PARD3B: variants seen among roughly 807,000 people sequenced by gnomAD.
PARD3B encodes partitioning defective 3 homolog B.
Under a neutral mutation model 130.2 loss-of-function variants are expected in PARD3B, and 103 were observed. The observed-to-expected ratio is 0.79, with a 90% CI of 0.67 to 0.93. The LOEUF (loss-of-function observed/expected upper bound fraction) is 0.93. Ranked by LOEUF, PARD3B falls within the 40% of genes least tolerant of loss-of-function variation. The pLI is 0.00. For missense variants in PARD3B, 1,609 were observed against 1,499.2 expected (o/e 1.07, Z -1.21); for synonymous variants, 583 against 553.2 (o/e 1.05, Z -0.76).
chr2:205,045,978 T>G lies in PARD3B; in HGVS notation c.395-1603T>G, dbSNP rs1575628748. On this transcript the variant is annotated intron_variant, in intron 3 of 22. Coordinates refer to ENST00000406610, the MANE Select transcript of PARD3B (RefSeq NM_001302769.2). ...GTTTATTTTCTCCCATTCAAGATTA[T>G]CAACTTGTAATTTACTGGCCTGATT... 3.3e-5 allele frequency among the ~76,000 whole-genome samples: 5 copies of G among 152,296 alleles called. No homozygotes were observed. In the East Asian group the frequency reaches 5.8e-4, roughly 18 times the overall value.
At chr2:204,729,373 C>T (rs2039385745) in intron 2 of PARD3B, among the ~76,000 whole-genome samples, 1 of 152,092 alleles carries the variant, frequency 6.6e-6, no homozygotes, top group African/African-American at 2.4e-5. Flanking sequence ...TTCTTGCCTA[C>T]CCCCTTAAGG....
In PARD3B at chr2:205,575,339, G is replaced by C. The variant is rs1166010609; in HGVS notation, c.3260+21936G>C. Among the ~76,000 whole-genome samples the C allele has an allele frequency of 6.6e-6, 1 of 151,296 alleles. No homozygotes were observed. Among genetic ancestry groups the C allele is most frequent in the East Asian group, 1.9e-4 (1 of 5,132 alleles). On this transcript the variant is annotated intron_variant, in intron 22 of 22. Coordinates refer to ENST00000406610, the MANE Select transcript of PARD3B (RefSeq NM_001302769.2). The surrounding 1 kb of genome is among the most constrained non-coding windows in gnomAD (Gnocchi z 4.6). The stretch of plus-strand genomic sequence containing the variant: ...ATTACCAACATTCCCAACTGCAGTG[G>C]TAAAACTGTTACATCTGATGACCCT...
chr2:205,321,260 T>C lies in PARD3B; in HGVS notation c.2630+19559T>C, dbSNP rs2105965338. Among the ~76,000 whole-genome samples, 2 of 152,356 alleles carry C rather than the reference T, an allele frequency of 1.3e-5. No individual in the cohort carries two copies. Among genetic ancestry groups the C allele is most frequent in the Middle Eastern group, 6.8e-3 (2 of 294 alleles). On this transcript the variant is annotated intron_variant, in intron 18 of 22. Transcript: ENST00000406610. This position sits in a 1 kb window ranked among gnomAD's most constrained non-coding sequence, Gnocchi z 4.2. ...AATAGTAATTGTGTCTGAGAGTATA[T>C]TCTTTGATTCATTTTCTTATTTATG...
chr2:205,103,874 G>T, intron 4 of PARD3B: 1 of 331,572 alleles, frequency 3.0e-6, no homozygotes, highest in Non-Finnish European at 4.3e-6. Flanking sequence ...AATTAAATAG[G>T]CAATTTGAAT....
chr2:205,534,718 G>A (rs552744082), intron 21 of PARD3B, among the ~76,000 whole-genome samples: 8 of 152,190 alleles, frequency 5.3e-5, no homozygotes, highest in African/African-American at 9.6e-5. Flanking sequence ...ATCCACCCAC[G>A]TTGGCCTCCC....
intron 18 of PARD3B, among the ~76,000 whole-genome samples, chr2:205,365,282 A>T (rs1036504280): frequency 2.6e-4 from 40 of 152,002 alleles, no homozygotes; most frequent in African/African-American, 9.2e-4. Flanking sequence ...TGAAGCAGAG[A>T]ATTGCTTGAA....
At chr2:204,713,768 C>G (rs148142615) in intron 2 of PARD3B, among the ~76,000 whole-genome samples, 1 of 152,106 alleles carries the variant, frequency 6.6e-6, no homozygotes, top group African/African-American at 2.4e-5. Flanking sequence ...AATAATAGTC[C>G]TCTCTCTATA....
In PARD3B at chr2:205,572,550, C is replaced by T. The variant is rs1253759351; in HGVS notation, c.3260+19147C>T. Among the ~76,000 whole-genome samples the T allele has an allele frequency of 6.6e-6, 1 of 152,086 alleles. No homozygotes were observed. The highest frequency in any genetic ancestry group is 2.1e-4 in the South Asian group (1 of 4,818). On this transcript the variant is annotated intron_variant, in intron 22 of 22. Transcript: ENST00000406610. The surrounding 1 kb of genome is among the most constrained non-coding windows in gnomAD (Gnocchi z 4.2). ...GCCTGAGCTCAGGAGTTTGAGACCA[C>T]CCCAAACAACATGGTGAAACCTCAT...
At chr2:205,094,446 A>G (rs1306909655) in intron 4 of PARD3B, among the ~76,000 whole-genome samples, 4 of 152,168 alleles carry the variant, frequency 2.6e-5, no homozygotes, top group Non-Finnish European at 4.4e-5. Flanking sequence ...TGGCTTGTCA[A>G]TGCGGTTCTC....
At position 205,407,835 on chromosome 2, in the gene PARD3B, T is replaced by C. The variant is rs2046461925; in HGVS notation, c.2741+6712T>C. The stretch of plus-strand genomic sequence containing the variant: ...AAAAAAAAATTTTAATAACATGAGT[T>C]ATATACTCCAAAATCTTCCATTACT... On this transcript the variant is annotated intron_variant, in intron 19 of 22. Transcript: ENST00000406610. The surrounding 1 kb of genome is among the most constrained non-coding windows in gnomAD (Gnocchi z 4.1). Among the ~76,000 whole-genome samples, 1 of 152,204 alleles carries C rather than the reference T, an allele frequency of 6.6e-6. No homozygotes were observed. Among genetic ancestry groups the C allele is most frequent in the African/African-American group, 2.4e-5 (1 of 41,470 alleles).
intron 22 of PARD3B, among the ~76,000 whole-genome samples, chr2:205,554,856 A>G (rs895361577): frequency 2.0e-5 from 3 of 152,200 alleles, no homozygotes; most frequent in African/African-American, 7.2e-5. Context: ...TGCATAGGTT[A>G]TATACTAATA....
chr2:204,839,816 G>A (rs887251391), intron 2 of PARD3B, among the ~76,000 whole-genome samples: 9 of 152,114 alleles, frequency 5.9e-5, no homozygotes, highest in Non-Finnish European at 1.2e-4. Context: ...ATAATACTTT[G>A]AAAAAAGATT....
rs370489018 is a variant in PARD3B, at chr2:205,552,343, T to G, written c.3181-981T>G. Among the ~76,000 whole-genome samples, 10 of 152,106 alleles carry G rather than the reference T, an allele frequency of 6.6e-5. 1 individual carries two copies. The highest frequency in any genetic ancestry group is 2.4e-4 in the African/African-American group (10 of 41,416). ...ATCATGGATGCTGTGGAGTAGACAGTTGATTGTCAGCAACCCTTGTTAGTA... is the reference window on the plus strand; with the variant it reads ...ATCATGGATGCTGTGGAGTAGACAGGTGATTGTCAGCAACCCTTGTTAGTA... On this transcript the variant is annotated intron_variant, in intron 21 of 22. Transcript: ENST00000406610.
chr2:205,174,057 A>G (rs1347481819), intron 12 of PARD3B, among the ~76,000 whole-genome samples: 2 of 152,214 alleles, frequency 1.3e-5, no homozygotes, highest in African/African-American at 4.8e-5. Context: ...TAAAAAAGAA[A>G]TGACTATGGT....
At chr2:204,962,732 T>C (rs1023784921) in intron 2 of PARD3B, among the ~76,000 whole-genome samples, 1 of 152,184 alleles carries the variant, frequency 6.6e-6, no homozygotes, top group Non-Finnish European at 1.5e-5. Context: ...GTGTATATTG[T>C]AGATGTTGAG....
intron 2 of PARD3B, among the ~76,000 whole-genome samples, chr2:204,873,386 G>T (rs988475295): frequency 2.0e-5 from 3 of 152,208 alleles, no homozygotes; most frequent in Non-Finnish European, 4.4e-5. Context: ...AGGTCTGAAA[G>T]TGGGAGATTT....
At chr2:204,636,643 TA>T (rs750528716) in intron 1 of PARD3B, among the ~76,000 whole-genome samples, 10 of 152,286 alleles carry the variant, frequency 6.6e-5, no homozygotes, top group Non-Finnish European at 1.5e-4. Context: ...CTGTTTTAGT[TA>T]CCCTCCTGCC....
At position 204,879,648 on chromosome 2, in the gene PARD3B, C is replaced by A. The variant is rs140022756; in HGVS notation, c.223-85504C>A. Among the ~76,000 whole-genome samples, 4 of 152,222 alleles carry A rather than the reference C, an allele frequency of 2.6e-5. No individual in the cohort carries two copies. The East Asian group carries it at 7.7e-4, about 29-fold the overall frequency. On this transcript the variant is annotated intron_variant, in intron 2 of 22. Transcript: ENST00000406610. ...CTGTATGGGTTGTGGGGGTATAGTG[C>A]AAGATTCTGAAATAACTCCTGATTG... is the stretch of plus-strand genomic sequence containing the variant.
At chr2:205,251,795 C>T (rs1383742097) in intron 16 of PARD3B, among the ~76,000 whole-genome samples, 3 of 152,146 alleles carry the variant, frequency 2.0e-5, no homozygotes, top group South Asian at 2.1e-4. Flanking sequence ...GAACTCTTTT[C>T]TTTCCTCATC....
Sources: gnomAD v4.1 joint callset for allele counts (sites outside exome capture counted in the v4.1 genomes callset) on GRCh38, gnomAD v4.1.1 for gene constraint, Gnocchi (gnomAD v3.1) non-coding constraint, MANE v1.5 for transcripts, NCBI Gene and HGNC (gene_info 2026-07-23, HGNC 2026-07-21) for gene names.